Variants in EDRF1 observed in about 807,000 individuals in gnomAD.
EDRF1 encodes erythroid differentiation regulatory factor 1.
In EDRF1, 69 loss-of-function variants were observed where a neutral mutation model predicts 148.7. The ratio of observed to expected loss-of-function variants is 0.46; its 90% CI spans 0.38 to 0.57. The LOEUF is 0.57. Ranked by LOEUF, EDRF1 falls within the 20% of genes least tolerant of loss-of-function variation. EDRF1 has a pLI of 0.00. For missense variants in EDRF1, 1,118 were observed against 1,478.7 expected (o/e 0.76, Z 4.00); for synonymous variants, 515 against 532.8 (o/e 0.97, Z 0.46).
At chr10:125,738,101 T>C in intron 14 of EDRF1, 112 bp downstream of exon 14, 1 of 1,367,510 alleles carries the variant, frequency 7.3e-7, no homozygotes, top group Non-Finnish European at 1.0e-6. Flanking sequence ...TGCTGCGATT[T>C]TTTTTTCCTT....
chr10:125,756,923 C>A, intron 24 of EDRF1: 1 of 397,214 alleles, frequency 2.5e-6, no homozygotes, highest in Non-Finnish European at 4.9e-6. Flanking sequence ...AGCAATCCCC[C>A]ACCTCAGCCT....
Position 125,763,194 on chromosome 10 carries a change from C to A in EDRF1, c.3546-107C>A. ...CGGCAGGAGAGGAATGCCTGCTGCT[C>A]TGTGAAGAGTGACTGTTGGGCTGTC... is the stretch of plus-strand genomic sequence containing the variant. On this transcript the variant is annotated intron_variant, in intron 24 of 24. Transcript: ENST00000356792. This position sits in a 1 kb window ranked among gnomAD's most constrained non-coding sequence, Gnocchi z 4.3. The A allele has an allele frequency of 8.9e-7, 1 of 1,118,990 alleles. No individual in the cohort carries two copies. The highest frequency in any genetic ancestry group is 1.3e-6 in the Non-Finnish European group (1 of 745,366). The allele number at this position is 1,118,990 out of a possible 1,614,324, so 69.3% of individuals were successfully genotyped here.
At chr10:125,762,383 T>C (rs1850232308) in intron 24 of EDRF1, among the ~76,000 whole-genome samples, 1 of 152,002 alleles carries the variant, frequency 6.6e-6, no homozygotes, top group Admixed American at 6.6e-5. Context: ...TCTGAGGGGA[T>C]GGGATTATTG....
At chr10:125,729,879 T>G (rs542936205) in intron 8 of EDRF1, among the ~76,000 whole-genome samples, 10 of 152,356 alleles carry the variant, frequency 6.6e-5, no homozygotes, top group Admixed American at 1.3e-4. Context: ...ATTAGTTAGA[T>G]TCCTACTAAC....
intron 24 of EDRF1, among the ~76,000 whole-genome samples, chr10:125,756,253 CT>C (rs1849892673): frequency 6.6e-6 from 1 of 152,170 alleles, no homozygotes; most frequent in South Asian, 2.1e-4. Flanking sequence ...TGTTAGCTAT[CT>C]TTTGATATTG....
Position 125,743,207 on chromosome 10 carries a change from G to A in EDRF1, c.2521G>A (p.Gly841Ser). 2 of 1,613,862 alleles carry A rather than the reference G, an allele frequency of 1.2e-6. No individual in the cohort carries two copies. Among genetic ancestry groups the A allele is most frequent in the Non-Finnish European group, 8.5e-7 (1 of 1,179,914 alleles). ...CTATGTACAAGTATTAAAGAGAATG[G>A]GTAACATTAGAAATGAAATTGGTGT... ...EHYVQVLKRM[G>S]NIRNEIGVFY... The change falls in exon 18 of 25, where the codon GGT becomes AGT. Residue 841 changes from glycine (G) to serine (S), a missense_variant. Gly to Ser is a moderately conservative substitution (Grantham distance 56). This residue lies in a region of EDRF1 where 954 missense variants were observed against 1,241.4 expected (regional missense o/e 0.77). Transcript: ENST00000356792.
chr10:125,719,969 T>C (rs886196826), intron 1 of EDRF1, 54 bp downstream of exon 1: 11 of 1,530,408 alleles, frequency 7.2e-6, no homozygotes, highest in Non-Finnish European at 7.2e-6. Context: ...GAGGACCCGC[T>C]CCACCGGGGA....
chr10:125,737,526 A>T (rs544240139), intron 13 of EDRF1, among the ~76,000 whole-genome samples: 1 of 152,308 alleles, frequency 6.6e-6, no homozygotes, highest in African/African-American at 2.4e-5. Flanking sequence ...CCCTACACAT[A>T]ATATCCTTCA....
At chr10:125,738,890 T>G (rs373573731) in intron 15 of EDRF1, among the ~76,000 whole-genome samples, 1 of 152,208 alleles carries the variant, frequency 6.6e-6, no homozygotes, top group East Asian at 1.9e-4. Context: ...ATATGTAAAG[T>G]GCTCAGAACA....
Position 125,752,875 on chromosome 10 carries a change from C to G in EDRF1, c.3354C>G (p.Phe1118Leu), listed in dbSNP as rs560235087. The change falls in exon 23 of 25, where the codon TTC becomes TTG. Residue 1118 changes from phenylalanine (F) to leucine (L), a missense_variant. Around this residue, in one of 3 missense-constraint regions of EDRF1, gnomAD observed 954 missense variants for 1,241.4 expected, o/e 0.77. Transcript: ENST00000356792. ...TAATGGTGAGAACTGAGCACGCATT[C>G]CAGCTTATCCAGAAGGAGCTTATAG... is the stretch of plus-strand genomic sequence containing the variant. ...LDIMVRTEHA[F>L]QLIQKELIEE... 1.9e-6 allele frequency: 3 copies of G among 1,614,016 alleles called. No individual in the cohort carries two copies. The highest frequency in any genetic ancestry group is 3.3e-5 in the Admixed American group (2 of 60,018).
At chr10:125,759,471 A>G (rs921460158) in intron 24 of EDRF1, among the ~76,000 whole-genome samples, 1 of 152,032 alleles carries the variant, frequency 6.6e-6, no homozygotes, top group East Asian at 1.9e-4. Context: ...TCTTTCAATA[A>G]TTGCCTTTGA....
chr10:125,757,779 G>T (rs1489788624), intron 24 of EDRF1, among the ~76,000 whole-genome samples: 1 of 152,166 alleles, frequency 6.6e-6, no homozygotes, highest in African/African-American at 2.4e-5. Context: ...TGTGTTTTCT[G>T]ACCAGAAGCC....
At chr10:125,748,361 C>G (rs1271769215) in intron 21 of EDRF1, 5 of 337,570 alleles carry the variant, frequency 1.5e-5, no homozygotes, top group Non-Finnish European at 2.3e-5. Flanking sequence ...TTTATCTAGT[C>G]TATGATTAGT....
chr10:125,746,103 GAGTATTGA>G (rs1179946436), intron 19 of EDRF1, among the ~76,000 whole-genome samples, 173 bp downstream of exon 19: 1 of 152,202 alleles, frequency 6.6e-6, no homozygotes, highest in African/African-American at 2.4e-5. Flanking sequence ...AGTAAGAATT[GAGTATTGA>G]AGATGACATG....
chr10:125,753,786 G>GTATAT lies in EDRF1; in HGVS notation c.3487_3488insATATT (p.Leu1163TyrfsTer42). ...AACTCCTCAGTATATTTGAGTCTCG[G>GTATAT]TTGTCATTTCTTCTCCTTCAGTCCA... On this transcript the variant is annotated frameshift_variant, in exon 24 of 25. Transcript: ENST00000356792. LOFTEE classifies it high-confidence loss of function. 6.2e-7 allele frequency: 1 copy of GTATAT among 1,613,838 alleles called. No homozygotes were observed. The highest frequency in any genetic ancestry group is 8.5e-7 in the Non-Finnish European group (1 of 1,180,004).
In EDRF1 at chr10:125,747,703, AT is replaced by A. The variant is rs1442918297; in HGVS notation, c.2973+12del. On this transcript the variant is annotated intron_variant, in intron 20 of 24. Transcript: ENST00000356792. ...GAAAAGCTCAGGAGCAGGTGATAAT[AT>A]TTGCTGGAGTATAAAATAAGTTCTC... 1 of 1,614,004 alleles carries A rather than the reference AT, an allele frequency of 6.2e-7. No homozygotes were observed. The highest frequency in any genetic ancestry group is 1.3e-5 in the African/African-American group (1 of 74,924).
At chr10:125,734,312 T>C in intron 12 of EDRF1, 129 bp downstream of exon 12, 2 of 735,662 alleles carry the variant, frequency 2.7e-6, no homozygotes, top group Non-Finnish European at 4.9e-6. Flanking sequence ...CATTAGCACA[T>C]GTGGCTGTTG....
chr10:125,739,791 A>G (rs1400546390), intron 15 of EDRF1, among the ~76,000 whole-genome samples: 1 of 152,216 alleles, frequency 6.6e-6, no homozygotes. Context: ...TACACTTAAC[A>G]TATTTTGTTG....
intron 24 of EDRF1, among the ~76,000 whole-genome samples, chr10:125,757,943 C>G (rs1849994652): frequency 6.6e-6 from 1 of 152,100 alleles, no homozygotes; most frequent in African/African-American, 2.4e-5. Flanking sequence ...GTTCCATTCT[C>G]TCTCCTCCTC....
Sources: allele counts gnomAD v4.1 joint callset (sites outside exome capture counted in the v4.1 genomes callset), GRCh38; gene constraint gnomAD v4.1.1; regional missense constraint gnomAD v4.1.1; non-coding constraint Gnocchi (gnomAD v3.1); transcripts MANE v1.5; gene names NCBI Gene and HGNC (gene_info 2026-07-23, HGNC 2026-07-21).